The following DAB1 variants were observed in gnomAD, a reference collection of about 807,000 sequenced individuals.
The protein encoded by DAB1 is DAB adaptor protein 1, also known as disabled homolog 1.
Under a neutral mutation model 64.6 loss-of-function variants are expected in DAB1, and 15 were observed. The ratio of observed to expected loss-of-function variants is 0.23; its 90% CI spans 0.16 to 0.36. The LOEUF (loss-of-function observed/expected upper bound fraction) is 0.36. Ranked by LOEUF, DAB1 falls within the 10% of genes least tolerant of loss-of-function variation. DAB1 has a pLI of 1.00. For missense variants in DAB1, 596 were observed against 706.7 expected (o/e 0.84, Z 1.78); for synonymous variants, 235 against 251.9 (o/e 0.93, Z 0.64).
intron 5 of DAB1, among the ~76,000 whole-genome samples, chr1:57,949,763 C>A (rs145391886): frequency 4.6e-5 from 7 of 152,208 alleles, no homozygotes; most frequent in African/African-American, 1.7e-4. Flanking sequence ...TAATAATTTT[C>A]ATCTCTCTTT....
rs542042658 is a variant in DAB1, at chr1:58,041,053, G to A, written n.387+109458C>T. On this transcript the variant is annotated intron_variant and non_coding_transcript_variant, in intron 5 of 20. Coordinates refer to the DAB1 transcript ENST00000485760. ...CACTGGTCTCTAGCTCTGCATCTTT[G>A]CACATGCTTTGCTGCCTATCTGAAA... Among the ~76,000 whole-genome samples, 6 of 152,262 alleles carry A rather than the reference G, an allele frequency of 3.9e-5. No homozygotes were observed. The East Asian group carries it at 1.2e-3, about 29-fold the overall frequency.
chr1:57,846,699 C>T (rs1466328413), intron 1 of DAB1, among the ~76,000 whole-genome samples: 1 of 151,988 alleles, frequency 6.6e-6, no homozygotes, highest in African/African-American at 2.4e-5. Context: ...GCATCTAGAA[C>T]TACAAGTAAC....
intron 4 of DAB1, among the ~76,000 whole-genome samples, chr1:58,216,900 G>A (rs1658884908): frequency 6.6e-6 from 1 of 152,122 alleles, no homozygotes; most frequent in African/African-American, 2.4e-5. Flanking sequence ...CTGATTCAGG[G>A]AAAAATCAGA....
chr1:57,216,938 G>A (rs1261546384), intron 2 of DAB1, among the ~76,000 whole-genome samples: 1 of 152,168 alleles, frequency 6.6e-6, no homozygotes, highest in East Asian at 1.9e-4. Flanking sequence ...GGCTCTAGTA[G>A]AATTTCAGGC....
chr1:57,251,038 G>A (rs1462217813), intron 2 of DAB1, among the ~76,000 whole-genome samples: 1 of 152,184 alleles, frequency 6.6e-6, no homozygotes, highest in Non-Finnish European at 1.5e-5. Flanking sequence ...AGCATTATTT[G>A]TTTGAAAGAA....
intron 3 of DAB1, among the ~76,000 whole-genome samples, chr1:57,138,297 G>T (rs1024257652): frequency 1.3e-5 from 2 of 151,992 alleles, no homozygotes; most frequent in Admixed American, 1.3e-4. Flanking sequence ...GAAAAATGAT[G>T]AACTGAAAGG....
At chr1:58,000,996 C>T (rs1570203282) in intron 5 of DAB1, among the ~76,000 whole-genome samples, 1 of 152,014 alleles carries the variant, frequency 6.6e-6, no homozygotes, top group South Asian at 2.1e-4. Flanking sequence ...CCTACCTACC[C>T]TTTCTTCTCT....
chr1:57,311,043 T>C (rs879828130), intron 1 of DAB1, among the ~76,000 whole-genome samples: 1 of 152,104 alleles, frequency 6.6e-6, no homozygotes, highest in Non-Finnish European at 1.5e-5. Context: ...GACAGCCAGA[T>C]TGACAGACAA....
At chr1:58,463,814 A>G (rs1387603792) in intron 3 of DAB1, among the ~76,000 whole-genome samples, 2 of 152,228 alleles carry the variant, frequency 1.3e-5, no homozygotes, top group African/African-American at 2.4e-5. Context: ...TGAATTCTGT[A>G]CATGTCCTTG....
intron 4 of DAB1, among the ~76,000 whole-genome samples, chr1:58,197,692 C>A (rs1196024011): frequency 7.4e-6 from 1 of 135,034 alleles, no homozygotes; most frequent in Middle Eastern, 4.1e-3. Flanking sequence ...CCATGCCCAG[C>A]GAGAGTTACA....
intron 5 of DAB1, among the ~76,000 whole-genome samples, chr1:57,922,236 T>C (rs1193588617): frequency 6.6e-6 from 1 of 151,806 alleles, no homozygotes; most frequent in Non-Finnish European, 1.5e-5. Flanking sequence ...CAATTATGAG[T>C]CTCTGCAGCA....
At chr1:57,413,743 C>CAAA (rs58388088) in intron 1 of DAB1, among the ~76,000 whole-genome samples, 916 of 64,460 alleles carry the variant, frequency 0.014, 31 homozygotes, top group African/African-American at 0.044. Context: ...GACTCTGTCT[C>CAAA]AAAAAAAAAA....
chr1:57,664,082 G>T (rs934530488), intron 6 of DAB1, among the ~76,000 whole-genome samples: 1 of 152,088 alleles, frequency 6.6e-6, no homozygotes, highest in Non-Finnish European at 1.5e-5. Flanking sequence ...TTCTGAAGCT[G>T]TTTCCTCTTC....
At chr1:57,803,386 T>C (rs1367318945) in intron 6 of DAB1, among the ~76,000 whole-genome samples, 4 of 152,194 alleles carry the variant, frequency 2.6e-5, no homozygotes, top group African/African-American at 9.7e-5. Flanking sequence ...ACATAGAGTT[T>C]CTGACCTCTT....
chr1:58,417,284 G>A (rs1012224267), intron 3 of DAB1, among the ~76,000 whole-genome samples: 1 of 152,250 alleles, frequency 6.6e-6, no homozygotes, highest in African/African-American at 2.4e-5. Context: ...AGGCTCTAAG[G>A]AAGGGTTGAT....
At chr1:57,116,204 C>T (rs1447269668) in intron 4 of DAB1, among the ~76,000 whole-genome samples, 2 of 151,486 alleles carry the variant, frequency 1.3e-5, no homozygotes, top group African/African-American at 4.9e-5. Flanking sequence ...GTGGCTCACC[C>T]TGTAATCCCA....
At chr1:57,526,989 A>C (rs2101401949) in intron 7 of DAB1, among the ~76,000 whole-genome samples, 1 of 152,252 alleles carries the variant, frequency 6.6e-6, no homozygotes, top group East Asian at 1.9e-4. Context: ...TACTCACCTC[A>C]ACCTTGTAAG....
chr1:57,037,689 C>T lies in DAB1; in HGVS notation c.724-11646G>A, dbSNP rs1557601734. On this transcript the variant is annotated intron_variant, in intron 9 of 14. Transcript: ENST00000371236. ...ACATGCTAATGGAGACTAATTCCTT[C>T]TGGGTTATCTAGGAGTTTATGCTAT... is the stretch of plus-strand genomic sequence containing the variant. 2.6e-5 allele frequency among the ~76,000 whole-genome samples: 4 copies of T among 152,324 alleles called. No homozygotes were observed. In the South Asian group the frequency reaches 8.3e-4, roughly 32 times the overall value.
At chr1:58,053,237 T>A (rs2094062) in intron 5 of DAB1, among the ~76,000 whole-genome samples, 1 of 152,060 alleles carries the variant, frequency 6.6e-6, no homozygotes, top group Non-Finnish European at 1.5e-5. Flanking sequence ...TTTGTGTAGC[T>A]ATGAAGGAAT....
Sources: allele counts gnomAD v4.1 joint callset (sites outside exome capture counted in the v4.1 genomes callset), GRCh38; gene constraint gnomAD v4.1.1; transcripts MANE v1.5; gene names NCBI Gene and HGNC (gene_info 2026-07-23, HGNC 2026-07-21).